The following BST1 variants were observed in gnomAD, a reference collection of about 807,000 sequenced individuals.
The protein encoded by BST1 is bone marrow stromal cell antigen 1, also known as ADP-ribosyl cyclase/cyclic ADP-ribose hydrolase 2.
Under a neutral mutation model 40.6 loss-of-function variants are expected in BST1, and 49 were observed. The ratio of observed to expected loss-of-function variants is 1.21; its 90% CI spans 0.96 to 1.53. The LOEUF (loss-of-function observed/expected upper bound fraction) is 1.53. Among genes scored for constraint, BST1 ranks in the 40% most tolerant of loss-of-function variants. BST1 has a pLI of 0.00. For missense variants in BST1, 423 were observed against 395.9 expected (o/e 1.07, Z -0.58); for synonymous variants, 157 against 159.3 (o/e 0.99, Z 0.11).
At chr4:15,704,733 A>G (rs1719783536) in intron 1 of BST1, among the ~76,000 whole-genome samples, 1 of 152,038 alleles carries the variant, frequency 6.6e-6, no homozygotes, top group Non-Finnish European at 1.5e-5. Context: ...CTCAGGTTGG[A>G]ATTCCTTGAG....
Position 15,703,198 on chromosome 4 carries a change from T to C in BST1, c.54T>C (p.Leu18=). The C allele has an allele frequency of 6.4e-7, 1 of 1,556,322 alleles. No individual in the cohort carries two copies. Among genetic ancestry groups the C allele is most frequent in the Non-Finnish European group, 8.7e-7 (1 of 1,151,566 alleles). Reference sequence around the variant, plus strand: ...GGCTGCTCCAGCTGCTGCTGCAGCTTCTGCTTCTACTGTTGCTGCTGGCGG... The same window carrying C: ...GGCTGCTCCAGCTGCTGCTGCAGCTCCTGCTTCTACTGTTGCTGCTGGCGG... ...ASRLLQLLLQ[L]LLLLLLLAAG... Residue 18 remains leucine (L), a synonymous_variant, in exon 1 of 9, where the codon CTT becomes CTC. Transcript: ENST00000265016.
intron 8 of BST1, 139 bp downstream of exon 8, chr4:15,723,073 AT>A (rs928845137): frequency 1.4e-6 from 1 of 728,990 alleles, no homozygotes; most frequent in East Asian, 2.7e-5. Context: ...CCTTATTTTT[AT>A]TTATATGTAT....
intron 8 of BST1, among the ~76,000 whole-genome samples, chr4:15,724,136 A>G (rs573569759): frequency 2.1e-4 from 32 of 152,284 alleles, no homozygotes; most frequent in Admixed American, 7.8e-4. Context: ...ACACAACCTG[A>G]TGACAGTGCT....
intron 3 of BST1, among the ~76,000 whole-genome samples, chr4:15,711,265 G>T (rs1720186208): frequency 6.6e-6 from 1 of 151,964 alleles, no homozygotes; most frequent in African/African-American, 2.4e-5. Context: ...ATCTGCTAGG[G>T]TCTTTAGTCT....
rs1719643388 is a variant in BST1 at position 15,703,245 on chromosome 4, G to A, written c.101G>A (p.Trp34Ter). ...GCGGCGGGCGGGGCGCGCGCGCGGT[G>A]GCGCGGGGAGGGCACCAGCGCACAC... The part of the protein sequence containing the change: ...LLAAGGARAR[W>*]RGEGTSAHLR... Residue 34 changes from tryptophan to a stop codon, truncating the protein, a stop_gained, in exon 1 of 9, where the codon TGG (tryptophan) becomes TAG (stop). Transcript: ENST00000265016. LOFTEE classifies it high-confidence loss of function. 6.5e-7 allele frequency: 1 copy of A among 1,542,328 alleles called. No homozygotes were observed. Among genetic ancestry groups the A allele is most frequent in the Non-Finnish European group, 8.7e-7 (1 of 1,146,742 alleles).
the BST1 span, chr4:15,743,457 A>C: frequency 3.9e-6 from 1 of 255,842 alleles, no homozygotes; most frequent in South Asian, 4.5e-5. Flanking sequence ...AAACTGTTAG[A>C]AAGTCAGAAA....
chr4:15,746,927 G>C, the BST1 span, among the ~76,000 whole-genome samples: 1,086 of 152,260 alleles, frequency 7.1e-3, 13 homozygotes, highest in African/African-American at 0.025. Flanking sequence ...GGGTCTTGTA[G>C]CAGTGACAGC....
chr4:15,758,960 C>T, the BST1 span, among the ~76,000 whole-genome samples: 2 of 151,992 alleles, frequency 1.3e-5, no homozygotes, highest in Non-Finnish European at 2.9e-5. Flanking sequence ...GGCCTACACA[C>T]CTCAGTGCCT....
chr4:15,761,715 G>T, the BST1 span, among the ~76,000 whole-genome samples: 1 of 151,988 alleles, frequency 6.6e-6, no homozygotes, highest in East Asian at 1.9e-4. Context: ...CCTTCTCCTG[G>T]GTGGAATATA....
At chr4:15,746,077 G>A in the BST1 span, among the ~76,000 whole-genome samples, 1 of 152,194 alleles carries the variant, frequency 6.6e-6, no homozygotes, top group East Asian at 1.9e-4. Context: ...TCTTCCCAAA[G>A]GAGATTGAAA....
downstream of BST1, among the ~76,000 whole-genome samples, chr4:15,739,066 C>T (rs911737651): frequency 6.6e-6 from 1 of 152,218 alleles, no homozygotes; most frequent in Non-Finnish European, 1.5e-5. Flanking sequence ...CAGCCTTACT[C>T]TTCTCAGGAG....
intron 4 of BST1, among the ~76,000 whole-genome samples, chr4:15,712,109 T>A (rs1367016920): frequency 1.3e-5 from 2 of 152,116 alleles, no homozygotes; most frequent in Non-Finnish European, 2.9e-5. Flanking sequence ...AAACATTCTG[T>A]AAATGTTAGC....
rs1201544523 is a variant in BST1 at position 15,732,371 on chromosome 4, G to A, written c.*526G>A. 6.5e-6 allele frequency: 1 copy of A among 154,582 alleles called. No homozygotes were observed. The highest frequency in any genetic ancestry group is 1.4e-5 in the Non-Finnish European group (1 of 70,210). The allele number at this position is 154,582 out of a possible 1,614,324, so 9.6% of individuals were successfully genotyped here. On this transcript the variant is annotated 3_prime_UTR_variant, in exon 9 of 9. Transcript: ENST00000265016. ...TTCGCTCCTTTGCCCAGGCTGGAGT[G>A]AGGTGGGGAGATCTCAGCTCACTGC...
At chr4:15,713,322 A>G (rs563449649) in intron 4 of BST1, among the ~76,000 whole-genome samples, 6 of 145,802 alleles carry the variant, frequency 4.1e-5, no homozygotes, top group Non-Finnish European at 7.4e-5. Context: ...AGTAGCTGGG[A>G]CTACAGGCGT....
the BST1 span, among the ~76,000 whole-genome samples, chr4:15,769,356 G>T: frequency 6.6e-6 from 1 of 152,348 alleles, no homozygotes; most frequent in South Asian, 2.1e-4. Flanking sequence ...GGTATTTCTG[G>T]TGAACAAAGG....
At chr4:15,722,121 T>C (rs942755360) in intron 7 of BST1, among the ~76,000 whole-genome samples, 2 of 152,222 alleles carry the variant, frequency 1.3e-5, no homozygotes, top group African/African-American at 4.8e-5. Flanking sequence ...CCATCACCCA[T>C]GTGGTTCAAG....
chr4:15,703,990 A>ATG (rs371372027), intron 1 of BST1, among the ~76,000 whole-genome samples: 113 of 67,064 alleles, frequency 1.7e-3, no homozygotes, highest in Non-Finnish European at 2.1e-3. Flanking sequence ...TGGAGGTGAG[A>ATG]TGTGTGTGTG....
At chr4:15,759,507 C>T in the BST1 span, among the ~76,000 whole-genome samples, 2 of 151,842 alleles carry the variant, frequency 1.3e-5, no homozygotes, top group Admixed American at 1.3e-4. Flanking sequence ...TTTTCTTCTA[C>T]CTTAACTTCT....
chr4:15,719,581 G>T (rs1291128299), intron 7 of BST1, among the ~76,000 whole-genome samples: 1 of 152,128 alleles, frequency 6.6e-6, no homozygotes, highest in Admixed American at 6.5e-5. Context: ...CCTGCCTCTG[G>T]CTCTCTCTGC....
Sources: allele counts gnomAD v4.1 joint callset (sites outside exome capture counted in the v4.1 genomes callset), GRCh38; gene constraint gnomAD v4.1.1; transcripts MANE v1.5; gene names NCBI Gene and HGNC (gene_info 2026-07-23, HGNC 2026-07-21).